The following CRYAB variants were observed in gnomAD, a reference collection of about 807,000 sequenced individuals.
CRYAB encodes the protein crystallin alpha B.
In CRYAB, 9 loss-of-function variants were observed where a neutral mutation model predicts 12.7. The ratio of observed to expected loss-of-function variants is 0.71; its 90% CI spans 0.43 to 1.24. CRYAB has a LOEUF of 1.24. Ranked by LOEUF, CRYAB falls within the 50% of genes most tolerant of loss-of-function variation. The pLI is 0.00. For missense variants in CRYAB, 183 were observed against 226.6 expected, an observed-to-expected ratio of 0.81 and a Z score of 1.24; for synonymous variants, 93 against 86.8, an observed-to-expected ratio of 1.07 and a Z score of -0.40.
upstream of CRYAB, chr11:111,913,702 G>A (rs764919055): frequency 2.5e-6 from 4 of 1,613,990 alleles, no homozygotes; most frequent in Non-Finnish European, 3.4e-6. Context: ...GAGTTCTGCC[G>A]CACCTATGTC....
At chr11:111,913,357 C>T (rs1965532035), upstream of CRYAB, 2 of 1,066,040 alleles carry the variant, frequency 1.9e-6, no homozygotes, top group Non-Finnish European at 1.4e-6. Flanking sequence ...TCTTCCCAAT[C>T]CCTCCTCTCC....
intron 1 of CRYAB, chr11:111,919,206 G>A (rs1452926475): frequency 1.6e-6 from 1 of 623,642 alleles, no homozygotes; most frequent in Non-Finnish European, 2.8e-6. Context: ...TGGGCGCGGT[G>A]GCTCACGCCT....
intron 1 of CRYAB, among the ~76,000 whole-genome samples, chr11:111,921,523 A>G (rs1965698742): frequency 6.6e-6 from 1 of 152,218 alleles, no homozygotes; most frequent in Admixed American, 6.5e-5. Context: ...GAACAAAAAT[A>G]TGTGTTTCCT....
chr11:111,911,378 G>A lies in CRYAB; in HGVS notation c.201+146C>T, dbSNP rs1965447433. On this transcript the variant is annotated intron_variant, in intron 1 of 2. Coordinates refer to ENST00000650687, the MANE Select transcript of CRYAB (RefSeq NM_001289808.2). Reference sequence around the variant, plus strand: ...ATAGAAACAGGTGATGGGGGAGGAAGGCACTAGCAACCTCCTCATTTTTCT... The same window carrying A: ...ATAGAAACAGGTGATGGGGGAGGAAAGCACTAGCAACCTCCTCATTTTTCT... 5.4e-6 allele frequency: 4 copies of A among 738,884 alleles called. No individual in the cohort carries two copies. The South Asian group carries it at 6.4e-5, about 12-fold the overall frequency. The allele number at this position is 738,884 out of a possible 1,614,324, so 45.8% of individuals were successfully genotyped here. A position where few individuals can be genotyped will look rare whatever the true frequency, so the allele number is the denominator to read the frequency against.
chr11:111,911,383 T>C (rs1218763373), intron 1 of CRYAB, 141 bp downstream of exon 1: 2 of 798,656 alleles, frequency 2.5e-6, no homozygotes, highest in Non-Finnish European at 4.2e-6. Context: ...AGGAAGGCAC[T>C]AGCAACCTCC....
At chr11:111,917,989 A>AT (rs1383464523), upstream of CRYAB, 1 of 152,172 alleles carries the variant, frequency 6.6e-6, no homozygotes, top group Non-Finnish European at 1.5e-5. Flanking sequence ...CCCATGTTTC[A>AT]TAAGAGGAGG....
chr11:111,910,465 TAAGGGA>T lies in CRYAB; in HGVS notation c.202-22_202-17del. 6.2e-7 allele frequency: 1 copy of T among 1,613,992 alleles called. No homozygotes were observed. Among genetic ancestry groups the T allele is most frequent in the Non-Finnish European group, 8.5e-7 (1 of 1,179,992 alleles). On this transcript the variant is annotated splice_polypyrimidine_tract_variant and intron_variant, in intron 1 of 2. Transcript: ENST00000650687. ...CCAGGCGCATCTAGAAATAGCAAGG[TAAGGGA>T]ATGGGATGGGAGAAAGAGGGCAAAA...
At chr11:111,913,096 C>T (rs548543494), upstream of CRYAB, 30 of 623,184 alleles carry the variant, frequency 4.8e-5, no homozygotes, top group Middle Eastern at 5.1e-4. Flanking sequence ...CTTTCCCATT[C>T]CTGCTGACCT....
At chr11:111,923,637 CA>C (rs1182668973) in intron 1 of CRYAB, 1 of 152,198 alleles carries the variant, frequency 6.6e-6, no homozygotes, top group Admixed American at 6.5e-5. Context: ...TTGGGGACCC[CA>C]GGGGCTCAGA....
At chr11:111,920,088 G>A (rs1032390944) in intron 1 of CRYAB, among the ~76,000 whole-genome samples, 6 of 152,064 alleles carry the variant, frequency 3.9e-5, no homozygotes, top group East Asian at 1.9e-4. Context: ...CCAGCTACTC[G>A]GGAGGCTGAG....
intron 2 of CRYAB, 188 bp from the exon 3 acceptor site, chr11:111,909,155 G>T: frequency 1.5e-6 from 1 of 682,456 alleles, no homozygotes; most frequent in Non-Finnish European, 2.7e-6. Flanking sequence ...ACTCCTACCA[G>T]TGAGAATCTG....
Position 111,911,716 on chromosome 11 carries a change from G to A in CRYAB, c.9C>T (p.Ile3=), listed in dbSNP as rs1555165618. The A allele has an allele frequency of 1.3e-5, 20 of 1,584,064 alleles. No homozygotes were observed. The Admixed American group carries it at 2.4e-4, about 19-fold the overall frequency. ...GGCGGATCCAGGGGTGGTGGATGGC[G>A]ATGTCCATGGTGGCTAGGTGAGTGT... The part of the protein sequence containing the change: MD[I]AIHHPWIRRP... The change falls in exon 1 of 3, where the codon ATC becomes ATT. Residue 3 remains isoleucine (I), a synonymous_variant. Transcript: ENST00000650687.
upstream of CRYAB, chr11:111,913,325 C>A (rs1965531260): frequency 2.5e-6 from 2 of 784,402 alleles, no homozygotes; most frequent in African/African-American, 1.7e-5. Flanking sequence ...CCGTTCCCTA[C>A]TCCTCCTGAC....
intron 1 of CRYAB, among the ~76,000 whole-genome samples, chr11:111,921,185 G>T (rs75182498): frequency 0.041 from 6,254 of 152,266 alleles, 416 homozygotes; most frequent in African/African-American, 0.14. Flanking sequence ...ACAGGTTTTG[G>T]AGTAGTACAT....
At chr11:111,918,927 C>T (rs1259298154) in intron 1 of CRYAB, 2 of 1,611,052 alleles carry the variant, frequency 1.2e-6, no homozygotes, top group Non-Finnish European at 1.7e-6. Context: ...ATGCACAAGC[C>T]TCTTGATGCA....
At chr11:111,911,427 T>A in intron 1 of CRYAB, 97 bp downstream of exon 1, 1 of 1,290,792 alleles carries the variant, frequency 7.7e-7, no homozygotes, top group Non-Finnish European at 1.1e-6. Flanking sequence ...CACATGTGCC[T>A]AAAATGGTTT....
At chr11:111,916,998 G>A (rs931043499), upstream of CRYAB, among the ~76,000 whole-genome samples, 4 of 151,920 alleles carry the variant, frequency 2.6e-5, no homozygotes, top group African/African-American at 9.7e-5. Context: ...GGGACTACAG[G>A]CACACATCAC....
chr11:111,913,378 T>C (rs978319137), upstream of CRYAB: 119 of 1,306,552 alleles, frequency 9.1e-5, no homozygotes, highest in Non-Finnish European at 1.2e-4. Flanking sequence ...AGATTTCCCA[T>C]TTCGCCCCTG....
rs587748585 is a variant in CRYAB at position 111,922,119 on chromosome 11, A to G, written c.-199+1584T>C. ...AGTGTTGGCATTACAGGCGTGAGCCACCGCACCTGGCCTATCATACCTCAT... is the reference window on the plus strand; with the variant it reads ...AGTGTTGGCATTACAGGCGTGAGCCGCCGCACCTGGCCTATCATACCTCAT... On this transcript the variant is annotated intron_variant, in intron 1 of 3. Coordinates refer to the CRYAB transcript ENST00000527950. 5.3e-5 allele frequency among the ~76,000 whole-genome samples: 8 copies of G among 152,344 alleles called. No individual in the cohort carries two copies. In the South Asian group the frequency reaches 1.7e-3, roughly 32 times the overall value.
Sources: gnomAD v4.1 joint callset for allele counts (sites outside exome capture counted in the v4.1 genomes callset) on GRCh38, gnomAD v4.1.1 for gene constraint, MANE v1.5 for transcripts, NCBI Gene and HGNC (gene_info 2026-07-23, HGNC 2026-07-21) for gene names.